The following MTMR2 variants were observed in gnomAD, a reference collection of about 807,000 sequenced individuals.
The protein encoded by MTMR2 is phosphatidylinositol-3,5-bisphosphate 3-phosphatase MTMR2.
MTMR2 carries 55 observed loss-of-function variants against 86.9 expected under a neutral mutation model. The ratio of observed to expected loss-of-function variants is 0.63; its 90% CI spans 0.51 to 0.79. The LOEUF is 0.79. Ranked by LOEUF, MTMR2 falls within the 30% of genes least tolerant of loss-of-function variation. MTMR2 has a pLI of 0.00. For synonymous variants in MTMR2, 241 were observed against 266.8 expected, an observed-to-expected ratio of 0.90 and a Z score of 0.94; for missense variants, 659 against 772.3, an observed-to-expected ratio of 0.85 and a Z score of 1.74.
At chr11:95,898,706 A>G (rs1033458265) in intron 1 of MTMR2, among the ~76,000 whole-genome samples, 1 of 152,184 alleles carries the variant, frequency 6.6e-6, no homozygotes, top group Non-Finnish European at 1.5e-5. Context: ...ATATATCCAC[A>G]ATAATATTGG....
intron 1 of MTMR2, 122 bp downstream of exon 1, chr11:95,923,753 G>A: frequency 6.7e-7 from 1 of 1,482,348 alleles, no homozygotes; most frequent in Non-Finnish European, 9.0e-7. Flanking sequence ...AAGTCCCGGG[G>A]AAGGAATTCC....
intron 2 of MTMR2, among the ~76,000 whole-genome samples, chr11:95,881,208 G>A (rs564054910): frequency 3.5e-4 from 53 of 151,498 alleles, no homozygotes; most frequent in Non-Finnish European, 6.3e-4. Flanking sequence ...TTATACATCT[G>A]TCATATACAG....
chr11:95,911,143 G>A (rs1466443639), intron 1 of MTMR2, among the ~76,000 whole-genome samples: 4 of 152,064 alleles, frequency 2.6e-5, no homozygotes, highest in Admixed American at 2.0e-4. Flanking sequence ...GTATTCTTCC[G>A]AGAAACAAAG....
At chr11:95,842,802 A>G (rs573292905) in intron 11 of MTMR2, among the ~76,000 whole-genome samples, 2 of 152,354 alleles carry the variant, frequency 1.3e-5, no homozygotes, top group East Asian at 3.9e-4. Context: ...CTGCATTCGT[A>G]CCCACTGTAT....
chr11:95,836,023 G>T, intron 14 of MTMR2, 125 bp downstream of exon 14: 2 of 971,988 alleles, frequency 2.1e-6, no homozygotes, highest in South Asian at 2.6e-5. Flanking sequence ...CTATACGATT[G>T]TTAACTATCA....
intron 2 of MTMR2, among the ~76,000 whole-genome samples, chr11:95,876,075 C>A (rs1865098835): frequency 6.6e-6 from 1 of 152,190 alleles, no homozygotes; most frequent in African/African-American, 2.4e-5. Flanking sequence ...GCAGTTTGTC[C>A]ATTCTCAGAT....
chr11:95,894,249 TATC>T (rs1865807605), intron 1 of MTMR2, among the ~76,000 whole-genome samples: 1 of 152,200 alleles, frequency 6.6e-6, no homozygotes, highest in African/African-American at 2.4e-5. Context: ...TACATATTTC[TATC>T]ATAATACCTG....
intron 2 of MTMR2, among the ~76,000 whole-genome samples, chr11:95,875,039 C>T (rs1254459650): frequency 6.6e-6 from 1 of 152,056 alleles, no homozygotes; most frequent in East Asian, 1.9e-4. Context: ...TTTTTTCCTT[C>T]ATTTCAACTT....
At chr11:95,885,548 G>A (rs1865484956) in intron 2 of MTMR2, among the ~76,000 whole-genome samples, 1 of 152,018 alleles carries the variant, frequency 6.6e-6, no homozygotes, top group African/African-American at 2.4e-5. Context: ...TTTGAAGCTG[G>A]AATCAATAAA....
Position 95,847,739 on chromosome 11 carries a change from G to C in MTMR2, c.1154C>G (p.Ser385Cys). The C allele has an allele frequency of 6.2e-7, 1 of 1,613,298 alleles. No individual in the cohort carries two copies. The highest frequency in any genetic ancestry group is 8.5e-7 in the Non-Finnish European group (1 of 1,179,286). Reference protein sequence around the residue: ...EETHWLSNLESTHWLEHIKLI... With the variant: ...EETHWLSNLECTHWLEHIKLI... ...CTTAATATGTTCTAGCCAATGAGTA[G>C]ATTCCAAGTTAGACAACCAGTGGGT... is the stretch of plus-strand genomic sequence containing the variant. The change falls in exon 10 of 15, where the codon TCT becomes TGT. Residue 385 changes from serine (S) to cysteine (C), a missense_variant. Physicochemically the swap from Ser to Cys is moderately radical, Grantham distance 112. Coordinates refer to ENST00000346299, the MANE Select transcript of MTMR2 (RefSeq NM_016156.6).
intron 2 of MTMR2, among the ~76,000 whole-genome samples, chr11:95,884,108 A>T (rs774527772): frequency 6.6e-6 from 1 of 152,208 alleles, no homozygotes; most frequent in Non-Finnish European, 1.5e-5. Flanking sequence ...CATCACACAC[A>T]TAAGAGCCAA....
At chr11:95,882,402 G>A (rs1440776013) in intron 2 of MTMR2, 1 of 152,180 alleles carries the variant, frequency 6.6e-6, no homozygotes, top group Non-Finnish European at 1.5e-5. Flanking sequence ...GGGAAGCTGA[G>A]GCAGGAGAAT....
In MTMR2 at chr11:95,864,784, T is replaced by C. The variant is rs371887210; in HGVS notation, c.262+817A>G. On this transcript the variant is annotated intron_variant, in intron 3 of 14. Transcript: ENST00000346299. ...TTAGTAAATAATAATCCATTTAGAA[T>C]ACAGGTCCTGCCTTTGGCTTGTTTT... Among the ~76,000 whole-genome samples, 18 of 152,248 alleles carry C rather than the reference T, an allele frequency of 1.2e-4. No individual in the cohort carries two copies. The East Asian group carries it at 3.1e-3, about 26-fold the overall frequency.
intron 1 of MTMR2, chr11:95,912,844 G>C (rs1866560648): frequency 6.6e-6 from 1 of 151,942 alleles, no homozygotes; most frequent in Non-Finnish European, 1.5e-5. Flanking sequence ...GTACTTCACA[G>C]AATACAAATG....
At chr11:95,854,760 T>C (rs548311149) in intron 7 of MTMR2, among the ~76,000 whole-genome samples, 1 of 148,834 alleles carries the variant, frequency 6.7e-6, no homozygotes, top group South Asian at 2.2e-4. Context: ...ACCACTGTAC[T>C]GGACTGCTCA....
At chr11:95,862,392 T>C (rs1196675752) in intron 3 of MTMR2, 26 bp from the exon 4 acceptor site, 2 of 1,515,986 alleles carry the variant, frequency 1.3e-6, no homozygotes, top group Non-Finnish European at 1.8e-6. Context: ...GTCCACAGTT[T>C]ACTATACATT....
At chr11:95,851,068 T>A (rs2135444026) in intron 7 of MTMR2, among the ~76,000 whole-genome samples, 1 of 142,074 alleles carries the variant, frequency 7.0e-6, no homozygotes, top group African/African-American at 2.7e-5. Flanking sequence ...TTTTTTTTTT[T>A]TTTTTTTTTT....
chr11:95,908,301 C>G (rs1037717501), intron 1 of MTMR2, among the ~76,000 whole-genome samples: 1 of 151,934 alleles, frequency 6.6e-6, no homozygotes, highest in Admixed American at 6.6e-5. Flanking sequence ...AAGATCTCTA[C>G]AATAAGAATT....
Position 95,850,727 on chromosome 11 carries a change from C to T in MTMR2, c.677G>A (p.Arg226Lys). The change falls in exon 8 of 15, where the codon AGA (arginine) becomes AAA (lysine). Residue 226 changes from arginine to lysine, a missense_variant. By Grantham distance (26) the Arg-to-Lys change is conservative. Transcript: ENST00000346299. ...ATATCGTTCATTTATCTTTGTTATT[C>T]TCCAGCTTTCATTTGGAATTCCCTA... ...RRQGIPNESW[R>K]ITKINERYEL... 6.2e-7 allele frequency: 1 copy of T among 1,613,994 alleles called. No homozygotes were observed. Among genetic ancestry groups the T allele is most frequent in the Non-Finnish European group, 8.5e-7 (1 of 1,179,920 alleles).
Sources: allele counts gnomAD v4.1 joint callset (sites outside exome capture counted in the v4.1 genomes callset), GRCh38; gene constraint gnomAD v4.1.1; transcripts MANE v1.5; gene names NCBI Gene and HGNC (gene_info 2026-07-23, HGNC 2026-07-21).